HSD17B12: variants seen among roughly 807,000 people sequenced by gnomAD.
The protein encoded by HSD17B12 is hydroxysteroid 17-beta dehydrogenase 12.
In HSD17B12, 32 loss-of-function variants were observed where a neutral mutation model predicts 39.3. The ratio of observed to expected loss-of-function variants is 0.81; its 90% CI spans 0.61 to 1.09. The LOEUF is 1.09. HSD17B12 is among the 50% of genes least tolerant of loss of function. HSD17B12 has a pLI of 0.00. For missense variants in HSD17B12, 342 were observed against 382.9 expected (o/e 0.89, Z 0.89); for synonymous variants, 150 against 146.7 (o/e 1.02, Z -0.16).
At chr11:43,824,458 G>A (rs1210279712) in intron 6 of HSD17B12, among the ~76,000 whole-genome samples, 1 of 152,306 alleles carries the variant, frequency 6.6e-6, no homozygotes, top group South Asian at 2.1e-4. Flanking sequence ...TCTGGAGGCT[G>A]GGAAGTCTAA....
chr11:43,591,109 G>GA, the HSD17B12 span, among the ~76,000 whole-genome samples: 5 of 152,022 alleles, frequency 3.3e-5, no homozygotes, highest in African/African-American at 9.7e-5. Context: ...TCCCCCCAGT[G>GA]AATTCTCTTA....
intron 3 of HSD17B12, among the ~76,000 whole-genome samples, chr11:43,770,778 A>T (rs1486649990): frequency 6.6e-6 from 1 of 152,176 alleles, no homozygotes; most frequent in Non-Finnish European, 1.5e-5. Context: ...TTATCCTTTA[A>T]GGCCTCTTAG....
intron 4 of HSD17B12, among the ~76,000 whole-genome samples, chr11:43,806,012 C>T (rs966710394): frequency 6.6e-6 from 1 of 152,108 alleles, no homozygotes; most frequent in Non-Finnish European, 1.5e-5. Flanking sequence ...GAAGAGAAAC[C>T]ATAGGGCAAG....
At chr11:43,838,104 G>A in intron 7 of HSD17B12, 1 of 543,922 alleles carries the variant, frequency 1.8e-6, no homozygotes, top group Non-Finnish European at 3.3e-6. Flanking sequence ...TGGGAAATGA[G>A]CTAATCGTGA....
At chr11:43,609,822 G>C in the HSD17B12 span, among the ~76,000 whole-genome samples, 1 of 152,190 alleles carries the variant, frequency 6.6e-6, no homozygotes, top group Non-Finnish European at 1.5e-5. Context: ...TTCCCCATTT[G>C]TAAGATGAGA....
intron 10 of HSD17B12, 130 bp from the exon 11 acceptor site, chr11:43,855,014 C>G (rs1343282887): frequency 1.9e-6 from 2 of 1,047,926 alleles, no homozygotes; most frequent in South Asian, 1.7e-5. Flanking sequence ...TTATAATGGT[C>G]GTATACCCAA....
the HSD17B12 span, among the ~76,000 whole-genome samples, chr11:43,663,920 T>C: frequency 1.3e-5 from 2 of 152,042 alleles, no homozygotes; most frequent in African/African-American, 4.8e-5. Flanking sequence ...TGGAGTGCAG[T>C]GGCGTGATCT....
intron 1 of HSD17B12, among the ~76,000 whole-genome samples, chr11:43,700,993 A>G (rs1949958972): frequency 6.6e-6 from 1 of 152,082 alleles, no homozygotes; most frequent in South Asian, 2.1e-4. Context: ...CTTTGCCAGC[A>G]TTTGTTATTG....
At chr11:43,658,061 A>G in the HSD17B12 span, among the ~76,000 whole-genome samples, 1 of 152,216 alleles carries the variant, frequency 6.6e-6, no homozygotes, top group Non-Finnish European at 1.5e-5. Flanking sequence ...GTCTTTTCAC[A>G]TAGTCCCATA....
At chr11:43,781,472 A>G (rs1395763391) in intron 3 of HSD17B12, among the ~76,000 whole-genome samples, 3 of 152,184 alleles carry the variant, frequency 2.0e-5, no homozygotes, top group African/African-American at 7.2e-5. Flanking sequence ...TCATGAACCA[A>G]TTCTGTTTGT....
chr11:43,695,607 A>G (rs1428320428), intron 1 of HSD17B12, among the ~76,000 whole-genome samples: 2 of 152,224 alleles, frequency 1.3e-5, no homozygotes, highest in Non-Finnish European at 2.9e-5. Context: ...TGAAATTAAT[A>G]TAAATGATAT....
chr11:43,586,032 G>T, the HSD17B12 span, among the ~76,000 whole-genome samples: 1 of 152,182 alleles, frequency 6.6e-6, no homozygotes, highest in African/African-American at 2.4e-5. Flanking sequence ...GTTCAGAGAG[G>T]TTAAGTGATT....
chr11:43,715,679 G>C (rs911249891), intron 1 of HSD17B12, among the ~76,000 whole-genome samples: 3 of 152,070 alleles, frequency 2.0e-5, no homozygotes, highest in Non-Finnish European at 2.9e-5. Context: ...TCTATTGATT[G>C]GAATAGTTTC....
Position 43,838,390 on chromosome 11 carries a change from G to A in HSD17B12, c.610G>A (p.Ala204Thr). 4.3e-6 allele frequency: 7 copies of A among 1,609,632 alleles called. No individual in the cohort carries two copies. The highest frequency in any genetic ancestry group is 6.0e-6 in the Non-Finnish European group (7 of 1,176,164). Residue 204 changes from alanine (A) to threonine (T), a missense_variant, in exon 8 of 11, where the codon GCA (alanine) becomes ACA (threonine). Physicochemically the swap from Ala to Thr is moderately conservative, Grantham distance 58 (BLOSUM62 0). Transcript: ENST00000278353. ...LPVPLLTIYSATKTFVDFFSQ... is the reference protein window; with the variant it reads ...LPVPLLTIYSTTKTFVDFFSQ... ...TGTCCCACTCTTGACCATCTATTCT[G>A]CAACCAAGGTAAAAAATATTTTCTT... is the stretch of plus-strand genomic sequence containing the variant.
At chr11:43,681,126 C>A in intron 1 of HSD17B12, 139 bp downstream of exon 1, 1 of 1,420,916 alleles carries the variant, frequency 7.0e-7, no homozygotes, top group South Asian at 1.5e-5. Context: ...GCCCCGCGGG[C>A]CCCTCCTGGC....
chr11:43,607,433 G>A, the HSD17B12 span, among the ~76,000 whole-genome samples: 8 of 152,098 alleles, frequency 5.3e-5, no homozygotes, highest in Non-Finnish European at 1.0e-4. Flanking sequence ...TCATACAAAA[G>A]CCGCTCAAGC....
the HSD17B12 span, among the ~76,000 whole-genome samples, chr11:43,566,825 GC>G: frequency 6.6e-6 from 1 of 152,172 alleles, no homozygotes; most frequent in Non-Finnish European, 1.5e-5. Context: ...ACCACGCCCA[GC>G]CCCCAGAACA....
At chr11:43,732,910 T>TA (rs1950282666) in intron 1 of HSD17B12, among the ~76,000 whole-genome samples, 1 of 152,188 alleles carries the variant, frequency 6.6e-6, no homozygotes, top group South Asian at 2.1e-4. Flanking sequence ...GTGCTGGAAT[T>TA]ACAGATGTGA....
intron 1 of HSD17B12, among the ~76,000 whole-genome samples, chr11:43,746,485 C>G (rs1327701055): frequency 6.6e-6 from 1 of 152,088 alleles, no homozygotes; most frequent in Non-Finnish European, 1.5e-5. Flanking sequence ...ACATTTTGTC[C>G]CATTGGAAGG....
Sources: gnomAD v4.1 joint callset for allele counts (sites outside exome capture counted in the v4.1 genomes callset) on GRCh38, gnomAD v4.1.1 for gene constraint, MANE v1.5 for transcripts, NCBI Gene and HGNC (gene_info 2026-07-23, HGNC 2026-07-21) for gene names.